The following PDE6H variants were observed in gnomAD, a reference collection of about 807,000 sequenced individuals.
PDE6H encodes the protein retinal cone rhodopsin-sensitive cGMP 3',5'-cyclic phosphodiesterase subunit gamma.
PDE6H carries 11 observed loss-of-function variants against 9.2 expected under a neutral mutation model. The ratio of observed to expected loss-of-function variants is 1.19; its 90% CI spans 0.75 to 1.97. The LOEUF (loss-of-function observed/expected upper bound fraction) is 1.97, where lower values mean the gene tolerates loss of function less well. Among genes scored for constraint, PDE6H ranks in the 30% most tolerant of loss-of-function variants. PDE6H has a pLI of 0.00. For synonymous variants in PDE6H, 36 were observed against 33.6 expected (o/e 1.07, Z -0.25); for missense variants, 98 against 101.5 (o/e 0.97, Z 0.15).
chr12:14,977,827 G>A (rs1864618567), intron 1 of PDE6H, 145 bp from the exon 2 acceptor site: 3 of 598,888 alleles, frequency 5.0e-6, no homozygotes, highest in Non-Finnish European at 8.8e-6. Flanking sequence ...TTTTAAAGAT[G>A]ATAACTTCTC....
intron 1 of PDE6H, among the ~76,000 whole-genome samples, chr12:14,975,363 T>C (rs1432464447): frequency 2.1e-5 from 2 of 97,156 alleles, no homozygotes; most frequent in Non-Finnish European, 4.0e-5. Context: ...ACTGGGTGTC[T>C]TGTAATTTTT....
At chr12:14,980,771 C>G (rs998112995) in intron 3 of PDE6H, among the ~76,000 whole-genome samples, 1 of 152,190 alleles carries the variant, frequency 6.6e-6, no homozygotes, top group South Asian at 2.1e-4. Context: ...TGACCTGGCT[C>G]TAGTCTCAGC....
intron 1 of PDE6H, among the ~76,000 whole-genome samples, chr12:14,973,970 A>G (rs1864556695): frequency 6.6e-6 from 1 of 152,158 alleles, no homozygotes; most frequent in Admixed American, 6.5e-5. Flanking sequence ...CAAATCTTTA[A>G]CTTTGTTAAG....
At chr12:14,973,747 C>T (rs1025167492) in intron 1 of PDE6H, among the ~76,000 whole-genome samples, 4 of 152,170 alleles carry the variant, frequency 2.6e-5, no homozygotes, top group African/African-American at 7.2e-5. Context: ...CCAGCTCCTT[C>T]CTGCCTCTTT....
intron 1 of PDE6H, among the ~76,000 whole-genome samples, chr12:14,976,042 G>C (rs1864589955): frequency 6.6e-6 from 1 of 152,062 alleles, no homozygotes; most frequent in Admixed American, 6.6e-5. Context: ...GGATGGTCTT[G>C]ATCTCCTGAC....
chr12:14,974,195 A>T (rs1864559809), intron 1 of PDE6H, among the ~76,000 whole-genome samples: 1 of 152,218 alleles, frequency 6.6e-6, no homozygotes, highest in African/African-American at 2.4e-5. Flanking sequence ...ATCAAGTCTG[A>T]TAATACATTT....
At position 14,981,582 on chromosome 12, in the gene PDE6H, C is replaced by G. The variant is rs1864685616; in HGVS notation, c.*106C>G. On this transcript the variant is annotated 3_prime_UTR_variant, in exon 4 of 4. Coordinates refer to ENST00000266395, the MANE Select transcript of PDE6H (RefSeq NM_006205.3). ...AAATTCAGCTGATTGGAAGTGGTTT[C>G]TTTGACTTTCAAGGTCATTCCCTAT... 1 of 778,962 alleles carries G rather than the reference C, an allele frequency of 1.3e-6. No individual in the cohort carries two copies. The highest frequency in any genetic ancestry group is 2.3e-6 in the Non-Finnish European group (1 of 436,880). The allele number at this position is 778,962 out of a possible 1,614,324, so 48.3% of individuals were successfully genotyped here. A position where few individuals can be genotyped will look rare whatever the true frequency, so the allele number is the denominator to read the frequency against.
At position 14,979,193 on chromosome 12, in the gene PDE6H, T is replaced by G. The variant is rs1452088777; in HGVS notation, c.149T>G (p.Ile50Ser). 6.2e-7 allele frequency: 1 copy of G among 1,609,034 alleles called. No individual in the cohort carries two copies. The highest frequency in any genetic ancestry group is 8.5e-7 in the Non-Finnish European group (1 of 1,175,542). ...KKGVKGFGDD[I>S]PGMEGLGTDI... The stretch of plus-strand genomic sequence containing the variant: ...CTTTTCCATAGATTTGGAGATGACA[T>G]TCCAGGAATGGAGGGGCTAGGAACA... Residue 50 changes from isoleucine to serine, a missense_variant, in exon 3 of 4, where the codon ATT becomes AGT. Physicochemically the swap from Ile to Ser is moderately radical, Grantham distance 142. Transcript: ENST00000266395.
chr12:14,977,707 G>A (rs1050990433), intron 1 of PDE6H, among the ~76,000 whole-genome samples: 4 of 152,148 alleles, frequency 2.6e-5, no homozygotes, highest in Non-Finnish European at 5.9e-5. Flanking sequence ...TCTATCAATT[G>A]TCCGTTTACA....
At chr12:14,979,298 G>A (rs550849427) in intron 3 of PDE6H, 79 bp downstream of exon 3, 37 of 915,888 alleles carry the variant, frequency 4.0e-5, no homozygotes, top group African/African-American at 1.1e-4. Flanking sequence ...TCAAGGGGCA[G>A]TTGAAAGTTA....
At chr12:14,975,121 C>T (rs981056240) in intron 1 of PDE6H, among the ~76,000 whole-genome samples, 7 of 152,106 alleles carry the variant, frequency 4.6e-5, no homozygotes, top group East Asian at 3.9e-4. Context: ...TACTCTCTAC[C>T]GTGTTACCAT....
chr12:14,981,379 C>T, intron 3 of PDE6H, 21 bp from the exon 4 acceptor site: 1 of 1,551,964 alleles, frequency 6.4e-7, no homozygotes, highest in Non-Finnish European at 8.9e-7. Flanking sequence ...GGCTTACGTG[C>T]TCTTCTTCCA....
intron 3 of PDE6H, among the ~76,000 whole-genome samples, chr12:14,980,570 G>T (rs991211502): frequency 6.6e-6 from 1 of 152,162 alleles, no homozygotes; most frequent in African/African-American, 2.4e-5. Flanking sequence ...CCAATCCTGG[G>T]ATCTTGAATG....
In PDE6H at chr12:14,981,551, G is replaced by A. The variant is rs1864685128; in HGVS notation, c.*75G>A. On this transcript the variant is annotated 3_prime_UTR_variant, in exon 4 of 4. Coordinates refer to ENST00000266395, the MANE Select transcript of PDE6H (RefSeq NM_006205.3). ...GCTTTTGCCCTGTTGATCTGCCGGA[G>A]TCTTGAAATTCAGCTGATTGGAAGT... The A allele has an allele frequency of 3.1e-6, 3 of 971,842 alleles. No homozygotes were observed. Among genetic ancestry groups the A allele is most frequent in the Non-Finnish European group, 5.0e-6 (3 of 597,518 alleles). 60.2% of individuals were successfully genotyped at this position (971,842 alleles called of 1,614,324 possible).
chr12:14,981,601 TC>T lies in PDE6H; in HGVS notation c.*128del, dbSNP rs1864685907. On this transcript the variant is annotated 3_prime_UTR_variant, in exon 4 of 4. Transcript: ENST00000266395. Reference sequence around the variant, plus strand: ...TGGTTTCTTTGACTTTCAAGGTCATTCCCTATCAGTTACTACTAAGAGTTCT... The same window carrying T: ...TGGTTTCTTTGACTTTCAAGGTCATTCCTATCAGTTACTACTAAGAGTTCT... The T allele has an allele frequency of 1.4e-6, 1 of 723,184 alleles. No individual in the cohort carries two copies. The highest frequency in any genetic ancestry group is 2.0e-5 in the Admixed American group (1 of 50,342). The allele number at this position is 723,184 out of a possible 1,614,324, so 44.8% of individuals were successfully genotyped here.
intron 3 of PDE6H, 61 bp downstream of exon 3, chr12:14,979,280 T>TG: frequency 8.9e-7 from 1 of 1,122,016 alleles, no homozygotes; most frequent in South Asian, 1.3e-5. Flanking sequence ...TTTTATATAC[T>TG]TCAGGCCTCA....
chr12:14,980,005 G>A (rs1864657073), intron 3 of PDE6H, among the ~76,000 whole-genome samples: 1 of 152,166 alleles, frequency 6.6e-6, no homozygotes, highest in South Asian at 2.1e-4. Context: ...TTGAATTAGA[G>A]TTTTTATCCC....
chr12:14,979,975 T>C (rs544016230), intron 3 of PDE6H, among the ~76,000 whole-genome samples: 7 of 152,204 alleles, frequency 4.6e-5, no homozygotes, highest in South Asian at 4.1e-4. Flanking sequence ...CGATGCAGTA[T>C]GTTAATTAAA....
Position 14,979,234 on chromosome 12 carries a change from G to C in PDE6H, c.175+15G>C. 2 of 1,587,158 alleles carry C rather than the reference G, an allele frequency of 1.3e-6. No individual in the cohort carries two copies. The highest frequency in any genetic ancestry group is 1.7e-6 in the Non-Finnish European group (2 of 1,155,538). On this transcript the variant is annotated intron_variant, in intron 3 of 3. Transcript: ENST00000266395. ...GCTAGGAACAGGTAAGCCATCCACT[G>C]ATTTAAGTGAGAACTTCGCACTTGG...
Sources: allele counts gnomAD v4.1 joint callset (sites outside exome capture counted in the v4.1 genomes callset), GRCh38; gene constraint gnomAD v4.1.1; transcripts MANE v1.5; gene names NCBI Gene and HGNC (gene_info 2026-07-23, HGNC 2026-07-21).